Variants in SPIDR observed in about 807,000 individuals in gnomAD.
SPIDR encodes DNA repair-scaffolding protein.
Under a neutral mutation model 104.6 loss-of-function variants are expected in SPIDR, and 93 were observed. The ratio of observed to expected loss-of-function variants is 0.89; its 90% confidence interval spans 0.75 to 1.06. The LOEUF is 1.06. Ranked by LOEUF, SPIDR falls within the 50% of genes least tolerant of loss-of-function variation. The pLI is 0.00. For synonymous variants in SPIDR, 431 were observed against 416.9 expected (o/e 1.03, Z -0.41); for missense variants, 1,154 against 1,111.2 (o/e 1.04, Z -0.55).
chr8:47,321,720 C>T (rs2046639599), intron 5 of SPIDR, among the ~76,000 whole-genome samples: 2 of 152,194 alleles, frequency 1.3e-5, no homozygotes, highest in South Asian at 4.1e-4. Context: ...GTAACCAAAA[C>T]TGCATGGTAC....
intron 10 of SPIDR, among the ~76,000 whole-genome samples, chr8:47,672,643 C>G (rs2075943493): frequency 1.3e-5 from 2 of 152,176 alleles, no homozygotes; most frequent in Non-Finnish European, 2.9e-5. Flanking sequence ...GTCTCCTATT[C>G]ATATTTTGGG....
At chr8:47,274,985 C>G (rs1182484694) in intron 1 of SPIDR, among the ~76,000 whole-genome samples, 6 of 151,524 alleles carry the variant, frequency 4.0e-5, no homozygotes, top group African/African-American at 1.5e-4. Flanking sequence ...ATAGGCCCAG[C>G]GCGGTGGCTC....
chr8:47,646,283 G>A (rs1441845160), intron 10 of SPIDR, among the ~76,000 whole-genome samples: 1 of 152,062 alleles, frequency 6.6e-6, no homozygotes. Flanking sequence ...AGGCTGAGGG[G>A]CAATAAACAC....
intron 5 of SPIDR, among the ~76,000 whole-genome samples, chr8:47,333,929 T>G (rs2049228983): frequency 6.6e-6 from 1 of 152,226 alleles, no homozygotes; most frequent in South Asian, 2.1e-4. Flanking sequence ...TGCTATAAAT[T>G]TCTCCTCTAA....
intron 8 of SPIDR, among the ~76,000 whole-genome samples, chr8:47,577,019 G>A (rs529414977): frequency 9.9e-5 from 15 of 152,268 alleles, no homozygotes; most frequent in Admixed American, 2.0e-4. Flanking sequence ...TAAAATGTGC[G>A]TATTGTTGGC....
chr8:47,264,631 T>G (rs907148523), intron 1 of SPIDR, among the ~76,000 whole-genome samples: 6 of 151,496 alleles, frequency 4.0e-5, no homozygotes, highest in African/African-American at 1.2e-4. Context: ...CTTTTGAGAT[T>G]TTCTTTTTTT....
intron 7 of SPIDR, among the ~76,000 whole-genome samples, chr8:47,434,493 A>G (rs1221701392): frequency 6.6e-6 from 1 of 152,234 alleles, no homozygotes; most frequent in African/African-American, 2.4e-5. Context: ...AGAGAGACAG[A>G]GCGATAATGT....
chr8:47,497,272 T>A (rs1176146340), intron 8 of SPIDR, among the ~76,000 whole-genome samples: 2 of 152,168 alleles, frequency 1.3e-5, no homozygotes, highest in African/African-American at 2.4e-5. Flanking sequence ...TTTTTCTTAT[T>A]TTTCTGGTTT....
chr8:47,694,110 G>A (rs2079029287), intron 11 of SPIDR, among the ~76,000 whole-genome samples: 3 of 152,178 alleles, frequency 2.0e-5, no homozygotes, highest in African/African-American at 4.8e-5. Flanking sequence ...TGGAGTTATA[G>A]GAAGTGTTAC....
intron 8 of SPIDR, among the ~76,000 whole-genome samples, chr8:47,558,437 A>G (rs2091579946): frequency 6.6e-6 from 1 of 152,216 alleles, no homozygotes; most frequent in Non-Finnish European, 1.5e-5. Context: ...AGGAATATTT[A>G]TATCATATAA....
chr8:47,422,827 T>A (rs1264153721), intron 7 of SPIDR, among the ~76,000 whole-genome samples: 7 of 152,216 alleles, frequency 4.6e-5, no homozygotes, highest in Non-Finnish European at 7.3e-5. Context: ...TATGTGGATG[T>A]CAGTTTTTCC....
chr8:47,357,625 C>T (rs1193689723), intron 5 of SPIDR, among the ~76,000 whole-genome samples: 3 of 152,190 alleles, frequency 2.0e-5, no homozygotes, highest in East Asian at 1.9e-4. Flanking sequence ...TTATTTTCCT[C>T]ACCATATAAT....
intron 8 of SPIDR, among the ~76,000 whole-genome samples, chr8:47,458,232 ATTTGTTTGTGTCATCTCTGACTTCT>A (rs2073327564): frequency 6.6e-6 from 1 of 151,914 alleles, no homozygotes; most frequent in Non-Finnish European, 1.5e-5. Flanking sequence ...ATGTGTTTAC[ATTTGTTTGTGTCATCTCTGACTTCT>A]TTCAGCAGTG....
At chr8:47,438,754 G>C (rs2068830549) in intron 7 of SPIDR, among the ~76,000 whole-genome samples, 1 of 150,970 alleles carries the variant, frequency 6.6e-6, no homozygotes, top group African/African-American at 2.5e-5. Flanking sequence ...TTAAGAAATA[G>C]TTGTCCAAGA....
At chr8:47,392,439 C>G (rs2060712581) in intron 5 of SPIDR, among the ~76,000 whole-genome samples, 1 of 152,202 alleles carries the variant, frequency 6.6e-6, no homozygotes, top group Non-Finnish European at 1.5e-5. Flanking sequence ...TATAAGGATG[C>G]AAGAGCAAGG....
At chr8:47,463,219 G>A (rs543030305) in intron 8 of SPIDR, among the ~76,000 whole-genome samples, 39 of 151,978 alleles carry the variant, frequency 2.6e-4, no homozygotes, top group African/African-American at 9.2e-4. Context: ...AAATTAGCTG[G>A]GCATGGTGGT....
intron 5 of SPIDR, among the ~76,000 whole-genome samples, chr8:47,373,541 A>G (rs2058304085): frequency 6.6e-6 from 1 of 151,808 alleles, no homozygotes; most frequent in African/African-American, 2.4e-5. Context: ...GTTCTGGGGT[A>G]CATGTGCAGA....
At chr8:47,552,641 A>T (rs566920887) in intron 8 of SPIDR, among the ~76,000 whole-genome samples, 76 of 151,012 alleles carry the variant, frequency 5.0e-4, no homozygotes, top group African/African-American at 1.7e-3. Context: ...CTTTGTTTTG[A>T]GCCTATTTGT....
rs1178303433 is a variant in SPIDR, at chr8:47,279,759, C to A, written c.34-103C>A. 12 of 1,161,248 alleles carry A rather than the reference C, an allele frequency of 1.0e-5. No homozygotes were observed. In the South Asian group the frequency reaches 1.5e-4, roughly 15 times the overall value. The allele number at this position is 1,161,248 out of a possible 1,614,324, so 71.9% of individuals were successfully genotyped here. ...TCAAAAACTATACCTTTACTGATGC[C>A]ACTTCTAGGTTTTCAGATTGTAAAT... On this transcript the variant is annotated intron_variant, in intron 1 of 19. Transcript: ENST00000297423.
Sources: allele counts gnomAD v4.1 joint callset (sites outside exome capture counted in the v4.1 genomes callset), GRCh38; gene constraint gnomAD v4.1.1; transcripts MANE v1.5; gene names NCBI Gene and HGNC (gene_info 2026-07-23, HGNC 2026-07-21).